The following POLR1C variants were observed in gnomAD, a reference collection of about 807,000 sequenced individuals.
POLR1C encodes RNA polymerase I and III subunit C.
In POLR1C, 42 loss-of-function variants were observed where a neutral mutation model predicts 38.3. The ratio of observed to expected loss-of-function variants is 1.10; its 90% confidence interval spans 0.86 to 1.42. The LOEUF is 1.42. Ranked by LOEUF, POLR1C falls within the 40% of genes most tolerant of loss-of-function variation. POLR1C has a pLI of 0.00. For synonymous variants in POLR1C, 163 were observed against 163.9 expected, an observed-to-expected ratio of 0.99 and a Z score of 0.04; for missense variants, 507 against 450.5, an observed-to-expected ratio of 1.13 and a Z score of -1.14.
Position 43,521,049 on chromosome 6 carries a change from G to GT in POLR1C, c.922+2dup. On this transcript the variant is annotated splice_donor_variant, in intron 8 of 8. Coordinates refer to ENST00000642195, the MANE Select transcript of POLR1C (RefSeq NM_203290.4). LOFTEE classifies it high-confidence loss of function. ...GCCCGGGTTCGAGATCATTATATCT[G>GT]TGAGTATGAAGTGGTGAGATGAGTG... 6.2e-7 allele frequency: 1 copy of GT among 1,611,918 alleles called. No individual in the cohort carries two copies. Among genetic ancestry groups the GT allele is most frequent in the Non-Finnish European group, 8.5e-7 (1 of 1,177,916 alleles).
intron 10 of POLR1C, among the ~76,000 whole-genome samples, chr6:43,556,994 G>A (rs1388379571): frequency 1.3e-5 from 2 of 152,088 alleles, no homozygotes; most frequent in East Asian, 3.9e-4. Flanking sequence ...TGGGCATGGT[G>A]GTGCATGCCT....
intron 9 of POLR1C, chr6:43,550,073 G>T: frequency 1.2e-6 from 1 of 831,782 alleles, no homozygotes; most frequent in Non-Finnish European, 2.0e-6. Context: ...TGGGACTACG[G>T]GCATGAGCTT....
downstream of POLR1C, among the ~76,000 whole-genome samples, chr6:43,534,224 T>G (rs981460511): frequency 6.6e-6 from 1 of 152,148 alleles, no homozygotes; most frequent in African/African-American, 2.4e-5. Context: ...CTAAGATAAA[T>G]TAACATGAGA....
chr6:43,546,697 G>T, intron 9 of POLR1C: 1 of 1,612,914 alleles, frequency 6.2e-7, no homozygotes, highest in South Asian at 1.1e-5. Context: ...TTCTAGGTCA[G>T]TGGGCCAGCA....
downstream of POLR1C, chr6:43,534,101 C>A (rs1794167301): frequency 6.9e-6 from 6 of 871,040 alleles, no homozygotes; most frequent in Non-Finnish European, 1.1e-5. Context: ...CAGTTTCACA[C>A]AGATCTGCCC....
chr6:43,533,213 T>TACACACACACACACACACAC (rs70990197), downstream of POLR1C: 4 of 135,126 alleles, frequency 3.0e-5, no homozygotes, highest in Admixed American at 7.7e-5. Flanking sequence ...GATACCTATC[T>TACACACACACACACACACAC]ACACACACAC....
chr6:43,533,390 T>A (rs912145552), downstream of POLR1C: 8 of 152,334 alleles, frequency 5.3e-5, no homozygotes, highest in African/African-American at 1.9e-4. Context: ...GGAAAAAAAA[T>A]AAATTGCCTT....
At chr6:43,527,094 A>G (rs1335133574) in intron 8 of POLR1C, 1 of 250,860 alleles carries the variant, frequency 4.0e-6, no homozygotes, top group Non-Finnish European at 7.9e-6. Context: ...ATGTCCAAGA[A>G]TTTAAAACAT....
In POLR1C at chr6:43,521,467, G is replaced by A. The variant is rs764164072; in HGVS notation, c.*167G>A. 163 of 1,458,610 alleles carry A rather than the reference G, an allele frequency of 1.1e-4. No individual in the cohort carries two copies. Among genetic ancestry groups the A allele is most frequent in the Middle Eastern group, 5.0e-4 (2 of 3,982 alleles). The allele number at this position is 1,458,610 out of a possible 1,614,324, so 90.4% of individuals were successfully genotyped here. A position where few individuals can be genotyped will look rare whatever the true frequency, so the allele number is the denominator to read the frequency against. ...TGTGCCATAAAATGAGACTTTTTACGCCTTTATAAGGCCTTAGATGTAAAT... is the reference window on the plus strand; with the variant it reads ...TGTGCCATAAAATGAGACTTTTTACACCTTTATAAGGCCTTAGATGTAAAT... On this transcript the variant is annotated 3_prime_UTR_variant, in exon 9 of 9. Transcript: ENST00000642195.
chr6:43,523,321 G>A (rs1793313373), downstream of POLR1C: 1 of 240,648 alleles, frequency 4.2e-6, no homozygotes, highest in South Asian at 5.5e-5. Flanking sequence ...AAAGTTGAGA[G>A]AACTGACCAA....
intron 4 of POLR1C, 32 bp from the exon 5 acceptor site, chr6:43,520,034 C>G: frequency 6.2e-7 from 1 of 1,613,148 alleles, no homozygotes. Context: ...CAGACGTTTA[C>G]TAGTTCTTAG....
chr6:43,531,564 G>T, downstream of POLR1C: 1 of 1,613,840 alleles, frequency 6.2e-7, no homozygotes, highest in Non-Finnish European at 8.5e-7. Context: ...TCCAAGAGAG[G>T]TTGAGGTAAT....
Position 43,527,873 on chromosome 6 carries a change from G to T in POLR1C, c.923-1376G>T, listed in dbSNP as rs994393752. On this transcript the variant is annotated intron_variant, in intron 8 of 8. Transcript: ENST00000304004. ...ATGCAAAAGTTGGGAATGGACAGCA[G>T]TGATCCACTGAAGGACATTATTACT... The T allele has an allele frequency of 1.1e-5, 9 of 808,306 alleles. No individual in the cohort carries two copies. In the African/African-American group the frequency reaches 1.6e-4, roughly 14 times the overall value. The allele number at this position is 808,306 out of a possible 1,614,324, so 50.1% of individuals were successfully genotyped here. A position where few individuals can be genotyped will look rare whatever the true frequency, so the allele number is the denominator to read the frequency against.
chr6:43,524,748 A>G, downstream of POLR1C: 1 of 1,588,608 alleles, frequency 6.3e-7, no homozygotes, highest in Non-Finnish European at 8.6e-7. Flanking sequence ...CAGGTGCCTG[A>G]ATTTAGGATA....
chr6:43,556,470 G>C (rs1357051394), intron 10 of POLR1C, among the ~76,000 whole-genome samples: 1 of 149,860 alleles, frequency 6.7e-6, no homozygotes, highest in Non-Finnish European at 1.5e-5. Flanking sequence ...AGATTGTAGT[G>C]AGCCATGATC....
intron 10 of POLR1C, among the ~76,000 whole-genome samples, chr6:43,556,455 G>C (rs1414822825): frequency 2.6e-5 from 4 of 151,354 alleles, no homozygotes; most frequent in Non-Finnish European, 5.9e-5. Context: ...AGCCCAGGGA[G>C]GTGAAGATTG....
chr6:43,523,705 G>C, downstream of POLR1C: 1 of 1,070,914 alleles, frequency 9.3e-7, no homozygotes, highest in East Asian at 2.4e-5. Flanking sequence ...AATTACTTCT[G>C]GTCCTGCACA....
downstream of POLR1C, chr6:43,525,228 G>T: frequency 6.4e-7 from 1 of 1,562,286 alleles, no homozygotes; most frequent in East Asian, 2.4e-5. Context: ...AACAGGAAAA[G>T]ATGAAGAGTT....
At chr6:43,561,114 T>G (rs1762392379) in intron 10 of POLR1C, 2 of 944,294 alleles carry the variant, frequency 2.1e-6, no homozygotes, top group African/African-American at 1.6e-5. Flanking sequence ...AAAATGTTGT[T>G]TCAAAAGGAC....
Sources: allele counts gnomAD v4.1 joint callset (sites outside exome capture counted in the v4.1 genomes callset), GRCh38; gene constraint gnomAD v4.1.1; transcripts MANE v1.5; gene names NCBI Gene and HGNC (gene_info 2026-07-23, HGNC 2026-07-21).